The following AKAP11 variants were observed in gnomAD, a reference collection of about 807,000 sequenced individuals.
The protein encoded by AKAP11 is A-kinase anchor protein 11.
In AKAP11, 36 loss-of-function variants were observed where a neutral mutation model predicts 146.1. The observed-to-expected ratio is 0.25, with a 90% CI of 0.19 to 0.33. The LOEUF (loss-of-function observed/expected upper bound fraction) is 0.33, where lower values mean the gene tolerates loss of function less well. Ranked by LOEUF, AKAP11 falls within the 10% of genes least tolerant of loss-of-function variation. The pLI is 1.00. For missense variants in AKAP11, 2,201 were observed against 2,197.0 expected (o/e 1.00, Z -0.04); for synonymous variants, 780 against 786.5 (o/e 0.99, Z 0.14).
intron 3 of AKAP11, 35 bp downstream of exon 3, chr13:42,286,434 GT>G (rs957006529): frequency 2.0e-6 from 3 of 1,508,378 alleles, no homozygotes; most frequent in Non-Finnish European, 2.7e-6. Flanking sequence ...TTTAGTGAAA[GT>G]TTTAATTAAA....
At chr13:42,318,961 T>C (rs2138730129) in intron 12 of AKAP11, 127 bp from the exon 13 acceptor site, 1 of 1,159,114 alleles carries the variant, frequency 8.6e-7, no homozygotes, top group East Asian at 2.6e-5. Context: ...GACCTTGTTA[T>C]AACTAGGAAA....
Position 42,300,415 on chromosome 13 carries a change from C to G in AKAP11, c.1669C>G (p.Leu557Val), listed in dbSNP as rs113925210. The change falls in exon 8 of 13, where the codon CTT becomes GTT. Residue 557 changes from leucine to valine, a missense_variant. Leu to Val is a conservative substitution (Grantham distance 32, BLOSUM62 1). Transcript: ENST00000025301. ...TAGCATTCAAAAATTTGCAGCAGAT[C>G]TTGTGGAAAAAAGTTTTGGCAGTGC... The part of the protein sequence containing the change: ...KDSIQKFAAD[L>V]VEKSFGSAFK... 24 of 1,612,874 alleles carry G rather than the reference C, an allele frequency of 1.5e-5. No homozygotes were observed. The highest frequency in any genetic ancestry group is 2.0e-5 in the Non-Finnish European group (24 of 1,179,750).
chr13:42,309,965 G>A (rs1399886193), intron 9 of AKAP11, among the ~76,000 whole-genome samples: 3 of 152,054 alleles, frequency 2.0e-5, no homozygotes, highest in Non-Finnish European at 4.4e-5. Flanking sequence ...TCGTCTTACC[G>A]GTTTCTGTCC....
In AKAP11 at chr13:42,303,680, A is replaced by G. The variant is rs1960096211; in HGVS notation, c.4934A>G (p.Asp1645Gly). 2 of 1,614,170 alleles carry G rather than the reference A, an allele frequency of 1.2e-6. No individual in the cohort carries two copies. The highest frequency in any genetic ancestry group is 1.6e-4 in the Middle Eastern group (1 of 6,062). ...GTCCCTCAGATTCATGTTAATCTTG[A>G]TAAGAAGGCAGTGCTTGCTGAGAAG... is the stretch of plus-strand genomic sequence containing the variant. ...LSVPQIHVNL[D>G]KKAVLAEKIV... Residue 1645 changes from aspartate (D) to glycine (G), a missense_variant, in exon 8 of 13, where the codon GAT (aspartate) becomes GGT (glycine). Around this residue, in one of 3 missense-constraint regions of AKAP11, gnomAD observed 1,867 missense variants for 1,833.5 expected, o/e 1.02. Transcript: ENST00000025301.
rs1959936002 is a variant in AKAP11, at chr13:42,301,892, A to T, written c.3146A>T (p.Asn1049Ile). ...AAGGATCAACCACTGAAAAAGCATA[A>T]CTTGAATAGTACATCACTTGAGGCC... Reference protein sequence around the residue: ...SAKDQPLKKHNLNSTSLEALS... With the variant: ...SAKDQPLKKHILNSTSLEALS... The change falls in exon 8 of 13, where the codon AAC becomes ATC. Residue 1049 changes from asparagine (N) to isoleucine (I), a missense_variant. By Grantham distance (149) the Asn-to-Ile change is moderately radical. This residue lies in a region of AKAP11 where 1,867 missense variants were observed against 1,833.5 expected (regional missense o/e 1.02). Coordinates refer to ENST00000025301, the MANE Select transcript of AKAP11 (RefSeq NM_016248.4). 1 of 1,614,140 alleles carries T rather than the reference A, an allele frequency of 6.2e-7. No individual in the cohort carries two copies. The highest frequency in any genetic ancestry group is 8.5e-7 in the Non-Finnish European group (1 of 1,180,018).
At chr13:42,318,222 G>A (rs1960915560) in intron 12 of AKAP11, among the ~76,000 whole-genome samples, 1 of 152,186 alleles carries the variant, frequency 6.6e-6, no homozygotes, top group Admixed American at 6.5e-5. Context: ...TCAGTTTACA[G>A]TCTTAAGGTT....
chr13:42,286,834 G>A (rs74767266), intron 3 of AKAP11, among the ~76,000 whole-genome samples: 2,743 of 152,266 alleles, frequency 0.018, 46 homozygotes, highest in Non-Finnish European at 0.03. Flanking sequence ...GTCTAAGGAG[G>A]AACCTCCTCA....
At chr13:42,313,994 A>G (rs1051162975) in intron 11 of AKAP11, 54 bp downstream of exon 11, 4 of 1,574,172 alleles carry the variant, frequency 2.5e-6, no homozygotes, top group African/African-American at 2.7e-5. Flanking sequence ...AAGGTTTCCT[A>G]GAAGAGTCTT....
chr13:42,299,617 G>T lies in AKAP11; in HGVS notation c.871G>T (p.Asp291Tyr), dbSNP rs774938146. ...TAGGTCATCTAATGCTTCAGATAAA[G>T]ATAGTGATTTACAGAAAACATTTTT... ...FYRSSNASDKDSDLQKTFFSS... is the reference protein window; with the variant it reads ...FYRSSNASDKYSDLQKTFFSS... Residue 291 changes from aspartate to tyrosine, a missense_variant, in exon 8 of 13, where the codon GAT (aspartate) becomes TAT (tyrosine). By Grantham distance (160) the Asp-to-Tyr change is radical. Around this residue, in one of 3 missense-constraint regions of AKAP11, gnomAD observed 331 missense variants for 347.4 expected, o/e 0.95. Coordinates refer to ENST00000025301, the MANE Select transcript of AKAP11 (RefSeq NM_016248.4). The T allele has an allele frequency of 2.5e-6, 4 of 1,613,942 alleles. No individual in the cohort carries two copies. The highest frequency in any genetic ancestry group is 3.4e-6 in the Non-Finnish European group (4 of 1,179,874).
In AKAP11 at chr13:42,300,575, G is replaced by A. The variant is rs779782512; in HGVS notation, c.1829G>A (p.Arg610His). ...CAGCGTGCATTTTCACTAAAAGAAC[G>A]TGCCATTAGTGGCCTGGCTAACTTT... The part of the protein sequence containing the change: ...RRQRAFSLKE[R>H]AISGLANFLV... Residue 610 changes from arginine to histidine, a missense_variant, in exon 8 of 13, where the codon CGT becomes CAT. This residue lies in a region of AKAP11 where 1,867 missense variants were observed against 1,833.5 expected (regional missense o/e 1.02). Transcript: ENST00000025301. 67 of 1,613,808 alleles carry A rather than the reference G, an allele frequency of 4.2e-5. No individual in the cohort carries two copies. In the Middle Eastern group the frequency reaches 4.9e-4, roughly 12 times the overall value.
In AKAP11 at chr13:42,300,031, G is replaced by T; in HGVS notation, c.1285G>T (p.Asp429Tyr). 6.2e-7 allele frequency: 1 copy of T among 1,613,946 alleles called. No homozygotes were observed. Among genetic ancestry groups the T allele is most frequent in the Non-Finnish European group, 8.5e-7 (1 of 1,179,844 alleles). The change falls in exon 8 of 13, where the codon GAT becomes TAT. Residue 429 changes from aspartate to tyrosine, a missense_variant. Asp to Tyr is a radical substitution (Grantham distance 160). Transcript: ENST00000025301. ...AGAATCTCCATATGGTAACCTGTGTGATGCTCCGGATTCTCCTCGCCCAGT... is the reference window on the plus strand; with the variant it reads ...AGAATCTCCATATGGTAACCTGTGTTATGCTCCGGATTCTCCTCGCCCAGT... ...KPESPYGNLC[D>Y]APDSPRPVKA...
intron 8 of AKAP11, 49 bp downstream of exon 8, chr13:42,303,912 A>C (rs774124285): frequency 2.6e-6 from 4 of 1,512,596 alleles, no homozygotes; most frequent in Non-Finnish European, 3.5e-6. Context: ...AAAAAGATAA[A>C]TGTGATCCTA....
intron 1 of AKAP11, among the ~76,000 whole-genome samples, chr13:42,280,280 G>C (rs1380119446): frequency 6.6e-6 from 1 of 152,070 alleles, no homozygotes; most frequent in Non-Finnish European, 1.5e-5. Flanking sequence ...TATATATTCT[G>C]TCCTGTTTTC....
chr13:42,297,855 T>C (rs1192305626), intron 6 of AKAP11, among the ~76,000 whole-genome samples: 1 of 150,036 alleles, frequency 6.7e-6, no homozygotes, highest in African/African-American at 2.4e-5. Flanking sequence ...TAGAACTGCT[T>C]GCTTCATTTC....
chr13:42,306,994 A>G (rs141751636), intron 8 of AKAP11, among the ~76,000 whole-genome samples: 2 of 152,210 alleles, frequency 1.3e-5, no homozygotes, highest in East Asian at 1.9e-4. Context: ...CTGATAGTGC[A>G]TTTTTAGCCA....
rs368218459 is a variant in AKAP11 at position 42,314,798 on chromosome 13, T to A, written c.5404+858T>A. Among the ~76,000 whole-genome samples the A allele has an allele frequency of 1.8e-4, 28 of 152,248 alleles. No homozygotes were observed. In the South Asian group the frequency reaches 4.8e-3, roughly 26 times the overall value. On this transcript the variant is annotated intron_variant, in intron 11 of 12. Transcript: ENST00000025301. Reference sequence around the variant, plus strand: ...TATTTGAAGAAAATACTCAGATCCTTCCTTAATGAACATAGTTCCAAGTAT... The same window carrying A: ...TATTTGAAGAAAATACTCAGATCCTACCTTAATGAACATAGTTCCAAGTAT...
At chr13:42,313,847 A>G in intron 10 of AKAP11, 47 bp from the exon 11 acceptor site, 1 of 1,549,384 alleles carries the variant, frequency 6.5e-7, no homozygotes. Context: ...TGATACCATT[A>G]TTAATTAAAT....
chr13:42,314,259 A>G (rs781679940), intron 11 of AKAP11, among the ~76,000 whole-genome samples: 29 of 152,126 alleles, frequency 1.9e-4, no homozygotes, highest in Admixed American at 6.5e-4. Flanking sequence ...AGCCTGGCCA[A>G]CATGGTGAAA....
At chr13:42,278,962 A>G (rs1958991332) in intron 1 of AKAP11, among the ~76,000 whole-genome samples, 1 of 151,512 alleles carries the variant, frequency 6.6e-6, no homozygotes, top group Middle Eastern at 3.4e-3. Flanking sequence ...TAGTACTTTG[A>G]AGATAGTGCT....
Sources: gnomAD v4.1 joint callset for allele counts (sites outside exome capture counted in the v4.1 genomes callset) on GRCh38, gnomAD v4.1.1 for gene constraint, gnomAD v4.1.1 regional missense constraint, MANE v1.5 for transcripts, NCBI Gene and HGNC (gene_info 2026-07-23, HGNC 2026-07-21) for gene names.